CADM2: variants seen among roughly 807,000 people sequenced by gnomAD.
The protein encoded by CADM2 is immunoglobulin superfamily member 4D.
CADM2 carries 12 observed loss-of-function variants against 49.8 expected under a neutral mutation model. That is an observed-to-expected ratio of 0.24 (90% CI 0.15 to 0.39). The LOEUF (loss-of-function observed/expected upper bound fraction) is 0.39, where lower values mean the gene tolerates loss of function less well. Ranked by LOEUF, CADM2 falls within the 10% of genes least tolerant of loss-of-function variation. The probability of loss-of-function intolerance (pLI) is 1.00; values close to 1 mark genes in which losing one functional copy is unlikely to be tolerated. For missense variants in CADM2, 378 were observed against 492.3 expected (o/e 0.77, Z 2.20); for synonymous variants, 214 against 175.4 (o/e 1.22, Z -1.74).
At chr3:85,348,096 A>G (rs577370427) in intron 1 of CADM2, among the ~76,000 whole-genome samples, 1 of 151,980 alleles carries the variant, frequency 6.6e-6, no homozygotes, top group African/African-American at 2.4e-5. Context: ...ATCTCCCAAG[A>G]CTTTTATTTT....
intron 2 of CADM2, among the ~76,000 whole-genome samples, chr3:85,744,809 G>A (rs1051527497): frequency 1.3e-5 from 2 of 152,106 alleles, no homozygotes; most frequent in African/African-American, 2.4e-5. Context: ...TGGGGTAACA[G>A]GACCTGGTTG....
chr3:85,868,458 A>G (rs1290608789), intron 3 of CADM2, among the ~76,000 whole-genome samples: 1 of 152,116 alleles, frequency 6.6e-6, no homozygotes, highest in African/African-American at 2.4e-5. Flanking sequence ...CCTATAATTG[A>G]CAGCCTGTTA....
At chr3:85,081,956 G>A (rs140616451) in intron 1 of CADM2, among the ~76,000 whole-genome samples, 3 of 150,776 alleles carry the variant, frequency 2.0e-5, no homozygotes, top group African/African-American at 7.3e-5. Flanking sequence ...AAATGTTTGT[G>A]ATAACTAATA....
chr3:85,611,802 G>A (rs1346286693), intron 1 of CADM2, among the ~76,000 whole-genome samples: 2 of 151,482 alleles, frequency 1.3e-5, no homozygotes, highest in African/African-American at 4.8e-5. Flanking sequence ...ATGTGTGTGT[G>A]TTGAGGGACA....
At chr3:85,631,639 CTACT>C (rs1378994131) in intron 1 of CADM2, among the ~76,000 whole-genome samples, 6 of 152,040 alleles carry the variant, frequency 3.9e-5, no homozygotes, top group African/African-American at 1.2e-4. Context: ...ATTGAAACAG[CTACT>C]TACTTAATAT....
At chr3:85,774,622 T>A (rs770968186) in intron 2 of CADM2, among the ~76,000 whole-genome samples, 9 of 151,730 alleles carry the variant, frequency 5.9e-5, no homozygotes, top group Non-Finnish European at 1.3e-4. Flanking sequence ...GTTTTTTTTT[T>A]AATCCTAAGA....
chr3:85,621,220 A>T (rs1400136727), intron 1 of CADM2, among the ~76,000 whole-genome samples: 2 of 152,164 alleles, frequency 1.3e-5, no homozygotes, highest in African/African-American at 2.4e-5. Flanking sequence ...CTATGTCTTA[A>T]CATTAGGTAT....
At chr3:85,924,478 G>C (rs2108510937) in intron 6 of CADM2, among the ~76,000 whole-genome samples, 1 of 152,068 alleles carries the variant, frequency 6.6e-6, no homozygotes, top group South Asian at 2.1e-4. Context: ...CTGTAGCCCA[G>C]CTACATCGGG....
chr3:85,930,568 C>T (rs920548555), intron 6 of CADM2, among the ~76,000 whole-genome samples: 17 of 152,046 alleles, frequency 1.1e-4, no homozygotes, highest in African/African-American at 3.4e-4. Flanking sequence ...ATTTTTTTCT[C>T]GTACTCCTTA....
intron 2 of CADM2, among the ~76,000 whole-genome samples, chr3:85,774,186 G>A (rs546942820): frequency 4.0e-5 from 6 of 151,708 alleles, no homozygotes; most frequent in South Asian, 2.1e-4. Flanking sequence ...GAACAAATAC[G>A]GTAAATGTCT....
At chr3:85,582,143 C>CTCGA (rs1327725012) in intron 1 of CADM2, among the ~76,000 whole-genome samples, 14 of 152,080 alleles carry the variant, frequency 9.2e-5, no homozygotes, top group African/African-American at 3.1e-4. Flanking sequence ...CCAGGATGGT[C>CTCGA]TCGATCTCTT....
chr3:85,904,070 A>G (rs1010196624), intron 5 of CADM2, among the ~76,000 whole-genome samples: 37 of 152,070 alleles, frequency 2.4e-4, no homozygotes, highest in African/African-American at 8.7e-4. Context: ...TTTCTTCCAA[A>G]GTCTCCACTT....
At chr3:85,437,159 ATG>A (rs1559839462) in intron 1 of CADM2, among the ~76,000 whole-genome samples, 1 of 151,980 alleles carries the variant, frequency 6.6e-6, no homozygotes, top group African/African-American at 2.4e-5. Flanking sequence ...AGTTTCCTCT[ATG>A]TCTTTTCATG....
At chr3:85,385,221 C>A (rs1047749505) in intron 1 of CADM2, among the ~76,000 whole-genome samples, 2 of 152,208 alleles carry the variant, frequency 1.3e-5, no homozygotes, top group African/African-American at 4.8e-5. Context: ...AGGCGTTAGC[C>A]ACCATGCCCA....
chr3:85,017,771 G>A (rs2034316151), intron 1 of CADM2, among the ~76,000 whole-genome samples: 1 of 152,074 alleles, frequency 6.6e-6, no homozygotes, highest in East Asian at 1.9e-4. Context: ...GTATTATTAT[G>A]TTTAACTTTC....
rs557066324 is a variant in CADM2, at chr3:85,279,488, GAA to G, written c.61+319822_61+319823del. ...GGAAATTTTAGATATTTCTTTTCAAGAAATAAAATTTACATTTTTGTTATATT... is the reference window on the plus strand; with the variant it reads ...GGAAATTTTAGATATTTCTTTTCAAGATAAAATTTACATTTTTGTTATATT... On this transcript the variant is annotated intron_variant, in intron 1 of 9. Transcript: ENST00000383699. Among the ~76,000 whole-genome samples the G allele has an allele frequency of 2.1e-4, 32 of 151,436 alleles. 1 individual carries two copies. The South Asian group carries it at 5.8e-3, about 28-fold the overall frequency.
chr3:85,768,742 CACATATAT>C (rs2069817630), intron 2 of CADM2, among the ~76,000 whole-genome samples: 5 of 140,976 alleles, frequency 3.5e-5, no homozygotes, highest in African/African-American at 1.1e-4. Context: ...CACATATATA[CACATATAT>C]ACATATATAG....
At chr3:85,096,109 T>C (rs1041407105) in intron 1 of CADM2, among the ~76,000 whole-genome samples, 1 of 152,142 alleles carries the variant, frequency 6.6e-6, no homozygotes, top group African/African-American at 2.4e-5. Flanking sequence ...GTTTTAAATA[T>C]GTCTAGATAT....
At chr3:86,051,961 G>A (rs1737391710) in intron 8 of CADM2, among the ~76,000 whole-genome samples, 1 of 135,440 alleles carries the variant, frequency 7.4e-6, no homozygotes, top group Non-Finnish European at 1.7e-5. Context: ...TCATATCAGT[G>A]ACTTTCAAAA....
Sources: allele counts gnomAD v4.1 joint callset (sites outside exome capture counted in the v4.1 genomes callset), GRCh38; gene constraint gnomAD v4.1.1; transcripts MANE v1.5; gene names NCBI Gene and HGNC (gene_info 2026-07-23, HGNC 2026-07-21).